The following ADAMTS18 variants were observed in gnomAD, a reference collection of about 807,000 sequenced individuals.
ADAMTS18 encodes the protein A disintegrin and metalloproteinase with thrombospondin motifs 18.
Under a neutral mutation model 165.9 loss-of-function variants are expected in ADAMTS18, and 157 were observed. The observed-to-expected ratio is 0.95, with a 90% CI of 0.83 to 1.08. The LOEUF (loss-of-function observed/expected upper bound fraction) is 1.08. Ranked by LOEUF, ADAMTS18 falls within the 50% of genes least tolerant of loss-of-function variation. ADAMTS18 has a pLI of 0.00. For missense variants in ADAMTS18, 2,040 were observed against 1,534.0 expected (o/e 1.33, Z -5.51); for synonymous variants, 782 against 578.2 (o/e 1.35, Z -5.06).
rs868117865 is a variant in ADAMTS18 at position 77,297,546 on chromosome 16, C to T, written c.2675-131G>A. On this transcript the variant is annotated intron_variant, in intron 17 of 22. Transcript: ENST00000282849. ...TATGGAATCCAAATATTTTGTGGAA[C>T]GCTTCCTTTTGATGAAATTTGCAAC... The T allele has an allele frequency of 1.8e-5, 17 of 933,738 alleles. No homozygotes were observed. The Middle Eastern group carries it at 8.7e-4, about 48-fold the overall frequency. The allele number at this position is 933,738 out of a possible 1,614,324, so 57.8% of individuals were successfully genotyped here. A position where few individuals can be genotyped will look rare whatever the true frequency, so the allele number is the denominator to read the frequency against.
chr16:77,319,933 C>T lies in ADAMTS18; in HGVS notation c.2448G>A (p.Gly816=), dbSNP rs1293537775. The T allele has an allele frequency of 3.7e-6, 6 of 1,614,204 alleles. No homozygotes were observed. The highest frequency in any genetic ancestry group is 1.3e-5 in the African/African-American group (1 of 75,060). The change falls in exon 16 of 23, where the codon GGG becomes GGA. Residue 816 remains glycine (G), a synonymous_variant. Transcript: ENST00000282849. The part of the protein sequence containing the change: ...IDWPGEFPFA[G]TTFEYQRSFN... ...AAGAGCGCTGGTATTCAAACGTGGT[C>T]CCAGCGAAGGGGAACTCCCCAGGCC...
chr16:77,296,317 C>T (rs977876281), intron 18 of ADAMTS18, among the ~76,000 whole-genome samples: 5 of 152,108 alleles, frequency 3.3e-5, no homozygotes, highest in Non-Finnish European at 5.9e-5. Context: ...CCATCATCAG[C>T]GGTGGAGTTA....
intron 10 of ADAMTS18, among the ~76,000 whole-genome samples, chr16:77,351,881 C>T (rs150296007): frequency 5.3e-5 from 8 of 152,188 alleles, no homozygotes; most frequent in African/African-American, 1.9e-4. Context: ...ACTACAGGTA[C>T]GTGCCACTAG....
rs1347280407 is a variant in ADAMTS18, at chr16:77,320,031, C to T, written c.2350G>A (p.Val784Ile). Residue 784 changes from valine (V) to isoleucine (I), a missense_variant, in exon 16 of 23, where the codon GTT becomes ATT. Coordinates refer to ENST00000282849, the MANE Select transcript of ADAMTS18 (RefSeq NM_199355.4). ...ARSIEIQELQVSSSYLAVRSL... is the reference protein window; with the variant it reads ...ARSIEIQELQISSSYLAVRSL... ...CGAACTGCGAGGTAACTGGAGGAAA[C>T]CTGCAGCTCCTGGATTTCGATGCTT... 2.5e-6 allele frequency: 4 copies of T among 1,613,998 alleles called. No individual in the cohort carries two copies. Among genetic ancestry groups the T allele is most frequent in the East Asian group, 2.2e-5 (1 of 44,864 alleles).
chr16:77,384,229 T>G (rs2057074210), intron 3 of ADAMTS18, among the ~76,000 whole-genome samples: 1 of 152,222 alleles, frequency 6.6e-6, no homozygotes, highest in Non-Finnish European at 1.5e-5. Context: ...AAGAAACTCC[T>G]CTACTTCTGG....
intron 13 of ADAMTS18, among the ~76,000 whole-genome samples, chr16:77,324,462 A>G (rs942274976): frequency 6.6e-6 from 1 of 152,244 alleles, no homozygotes; most frequent in Admixed American, 6.5e-5. Context: ...TAACCATTAC[A>G]TAAATATATA....
chr16:77,355,884 C>T, intron 9 of ADAMTS18, 56 bp downstream of exon 9: 2 of 1,609,118 alleles, frequency 1.2e-6, no homozygotes, highest in Non-Finnish European at 1.7e-6. Context: ...GTCTATGGAG[C>T]ACAATTCTGT....
At chr16:77,387,937 C>T (rs538862628) in intron 3 of ADAMTS18, among the ~76,000 whole-genome samples, 2 of 152,158 alleles carry the variant, frequency 1.3e-5, no homozygotes, top group Admixed American at 6.5e-5. Context: ...TTCTCTATGG[C>T]GCTATCTCTC....
intron 7 of ADAMTS18, among the ~76,000 whole-genome samples, chr16:77,361,889 T>TGAAA (rs67571633): frequency 6.6e-6 from 1 of 150,682 alleles, no homozygotes; most frequent in African/African-American, 2.4e-5. Context: ...CATCTCAAAT[T>TGAAA]AAAAAAAATA....
chr16:77,291,310 C>A lies in ADAMTS18; in HGVS notation c.3358G>T (p.Val1120Leu), dbSNP rs199845592. The A allele has an allele frequency of 9.3e-5, 150 of 1,614,102 alleles. 1 individual carries two copies. The highest frequency in any genetic ancestry group is 2.2e-5 in the East Asian group (1 of 44,888). The change falls in exon 21 of 23, where the codon GTG becomes TTG. Residue 1120 changes from valine (V) to leucine (L), a missense_variant. Physicochemically the swap from Val to Leu is conservative, Grantham distance 32. Coordinates refer to ENST00000282849, the MANE Select transcript of ADAMTS18 (RefSeq NM_199355.4). ...TACCATCCAGCTACCATGTTGTACA[C>A]TGGATGGGCTGGGCAAGCCCGTCGG... is the stretch of plus-strand genomic sequence containing the variant. ...CNRRACPAHP[V>L]YNMVAGWYSL...
intron 3 of ADAMTS18, among the ~76,000 whole-genome samples, chr16:77,411,329 T>C (rs1284492173): frequency 6.6e-6 from 1 of 152,204 alleles, no homozygotes; most frequent in Non-Finnish European, 1.5e-5. Flanking sequence ...CATGCTGGAG[T>C]CAGTCTCATG....
At chr16:77,369,223 TATTTTA>T (rs567072127) in intron 3 of ADAMTS18, among the ~76,000 whole-genome samples, 24 of 152,256 alleles carry the variant, frequency 1.6e-4, no homozygotes, top group Non-Finnish European at 2.9e-4. Context: ...TTTCTGACTT[TATTTTA>T]ATCTTTTTTT....
chr16:77,409,490 T>C (rs1178575174), intron 3 of ADAMTS18, among the ~76,000 whole-genome samples: 3 of 151,938 alleles, frequency 2.0e-5, no homozygotes, highest in Non-Finnish European at 4.4e-5. Context: ...ACAGGATAAA[T>C]AGTATCACAG....
chr16:77,295,238 A>G (rs564443370), intron 18 of ADAMTS18, 111 bp from the exon 19 acceptor site: 1 of 1,076,686 alleles, frequency 9.3e-7, no homozygotes, highest in Admixed American at 1.9e-5. Context: ...CAATTTCAGA[A>G]CCAATAAGAT....
At chr16:77,392,552 A>T (rs1458911309) in intron 3 of ADAMTS18, among the ~76,000 whole-genome samples, 1 of 151,956 alleles carries the variant, frequency 6.6e-6, no homozygotes, top group Non-Finnish European at 1.5e-5. Flanking sequence ...CCCCTGCTTC[A>T]CTTTCCTTCA....
At chr16:77,431,222 T>A in intron 3 of ADAMTS18, 73 bp downstream of exon 3, 1 of 1,526,478 alleles carries the variant, frequency 6.6e-7, no homozygotes, top group Non-Finnish European at 9.1e-7. Context: ...AGCATTTATA[T>A]TGCAGACATC....
chr16:77,320,001 G>C lies in ADAMTS18; in HGVS notation c.2380C>G (p.Leu794Val), dbSNP rs140703904. ...CCGGTGAGGTAATACTTTTGACTGA[G>C]GCTTCGAACTGCGAGGTAACTGGAG... Reference protein sequence around the residue: ...VSSSYLAVRSLSQKYYLTGGW... With the variant: ...VSSSYLAVRSVSQKYYLTGGW... Residue 794 changes from leucine (L) to valine (V), a missense_variant, in exon 16 of 23, where the codon CTC (leucine) becomes GTC (valine). Physicochemically the swap from Leu to Val is conservative, Grantham distance 32 (BLOSUM62 1). Transcript: ENST00000282849. 1.5e-4 allele frequency: 240 copies of C among 1,614,158 alleles called. No individual in the cohort carries two copies. The African/African-American group carries it at 1.9e-3, about 13-fold the overall frequency.
At chr16:77,381,585 C>T (rs60940604) in intron 3 of ADAMTS18, among the ~76,000 whole-genome samples, 10,514 of 152,046 alleles carry the variant, frequency 0.069, 861 homozygotes, top group East Asian at 0.29. Flanking sequence ...AGGTGGATCA[C>T]GAGGTCAGAA....
intron 11 of ADAMTS18, among the ~76,000 whole-genome samples, chr16:77,338,229 T>C (rs1028955940): frequency 1.3e-5 from 2 of 151,912 alleles, no homozygotes; most frequent in Non-Finnish European, 2.9e-5. Flanking sequence ...TACATATTTT[T>C]CTTTGTTGTT....
Sources: gnomAD v4.1 joint callset for allele counts (sites outside exome capture counted in the v4.1 genomes callset) on GRCh38, gnomAD v4.1.1 for gene constraint, MANE v1.5 for transcripts, NCBI Gene and HGNC (gene_info 2026-07-23, HGNC 2026-07-21) for gene names.